The following MLIP variants were observed in gnomAD, a reference collection of about 807,000 sequenced individuals.
MLIP encodes muscular LMNA interacting protein.
MLIP carries 79 observed loss-of-function variants against 84.8 expected under a neutral mutation model. The observed-to-expected ratio is 0.93, with a 90% confidence interval of 0.78 to 1.12. MLIP has a LOEUF of 1.12. Among genes scored for constraint, MLIP ranks in the 50% most tolerant of loss-of-function variants. The pLI, the probability that MLIP is intolerant of heterozygous loss-of-function variation, is 0.00. For synonymous variants in MLIP, 504 were observed against 463.0 expected, an observed-to-expected ratio of 1.09 and a Z score of -1.14; for missense variants, 1,257 against 1,160.6, an observed-to-expected ratio of 1.08 and a Z score of -1.21.
rs569788844 is a variant in MLIP, at chr6:54,068,719, A to T, written c.63+49628A>T. On this transcript the variant is annotated intron_variant, in intron 1 of 12. Coordinates refer to the MLIP transcript ENST00000274897. ...TGTATTTTTAACCTCGTTTCCCATG[A>T]CAACTTATGAGATGGGATTTATATA... is the stretch of plus-strand genomic sequence containing the variant. Among the ~76,000 whole-genome samples the T allele has an allele frequency of 1.2e-4, 12 of 101,220 alleles. 2 individuals are homozygous for T. The South Asian group carries it at 4.2e-3, about 36-fold the overall frequency. The allele number at this position is 101,220 out of a possible 152,430, so 66.4% of individuals were successfully genotyped here.
intron 1 of MLIP, among the ~76,000 whole-genome samples, chr6:54,100,641 A>G (rs1768574720): frequency 6.6e-6 from 1 of 151,874 alleles, no homozygotes; most frequent in Non-Finnish European, 1.5e-5. Context: ...TCCTTTATCT[A>G]CTATTCCTTT....
chr6:54,043,802 T>A (rs1237794898), intron 1 of MLIP, among the ~76,000 whole-genome samples: 1 of 152,166 alleles, frequency 6.6e-6, no homozygotes, highest in Non-Finnish European at 1.5e-5. Context: ...TAAGGGAATG[T>A]CAGGTGACCA....
intron 11 of MLIP, chr6:54,218,014 G>T: frequency 1.0e-6 from 1 of 985,224 alleles, no homozygotes; most frequent in African/African-American, 1.7e-5. Context: ...CTCAAACAGG[G>T]GTCACAAACT....
chr6:54,223,872 C>A (rs948328692), intron 11 of MLIP, among the ~76,000 whole-genome samples: 4 of 151,792 alleles, frequency 2.6e-5, no homozygotes, highest in Admixed American at 2.0e-4. Context: ...CTAATGAAAT[C>A]ATTATTTTTC....
At chr6:54,229,423 G>GT (rs1317438775) in intron 11 of MLIP, among the ~76,000 whole-genome samples, 3 of 152,096 alleles carry the variant, frequency 2.0e-5, no homozygotes, top group African/African-American at 7.2e-5. Flanking sequence ...TATTACATAG[G>GT]TAAACGTGTG....
chr6:54,102,912 A>G (rs1461023536), intron 1 of MLIP, among the ~76,000 whole-genome samples: 1 of 152,176 alleles, frequency 6.6e-6, no homozygotes, highest in Non-Finnish European at 1.5e-5. Context: ...AAGAGAGGGT[A>G]CAACAGGAGG....
Position 54,138,531 on chromosome 6 carries a change from A to G in MLIP, c.2217+245A>G, listed in dbSNP as rs186181698. 3.3e-4 allele frequency among the ~76,000 whole-genome samples: 51 copies of G among 152,274 alleles called. 1 individual carries two copies. In the East Asian group the frequency reaches 8.9e-3, roughly 26 times the overall value. ...ATCCTCTTTCTCTTCCTAACTTCTT[A>G]TATCTATGACTCCAAGGGTATTATT... On this transcript the variant is annotated intron_variant, in intron 4 of 13. Transcript: ENST00000502396.
chr6:54,194,748 G>A (rs1056892289), intron 10 of MLIP, among the ~76,000 whole-genome samples: 1 of 151,078 alleles, frequency 6.6e-6, no homozygotes, highest in Non-Finnish European at 1.5e-5. Context: ...GAGTTAGTAT[G>A]GCAGGAATTG....
chr6:54,144,075 T>C (rs903398145), intron 4 of MLIP, among the ~76,000 whole-genome samples: 1 of 152,176 alleles, frequency 6.6e-6, no homozygotes, highest in African/African-American at 2.4e-5. Flanking sequence ...TTGACAGTTG[T>C]ATCCTCCACC....
chr6:54,094,579 C>G (rs1385955608), intron 1 of MLIP, among the ~76,000 whole-genome samples: 1 of 151,030 alleles, frequency 6.6e-6, no homozygotes, highest in African/African-American at 2.4e-5. Context: ...ATATATTTGT[C>G]TTCTTTCTGA....
intron 11 of MLIP, among the ~76,000 whole-genome samples, chr6:54,208,403 T>C (rs1310723277): frequency 3.3e-5 from 5 of 151,592 alleles, no homozygotes; most frequent in African/African-American, 4.8e-5. Context: ...CTGAGAAACA[T>C]AGGGAGACCA....
At chr6:54,250,860 A>T (rs1196892724) in intron 12 of MLIP, among the ~76,000 whole-genome samples, 1 of 151,996 alleles carries the variant, frequency 6.6e-6, no homozygotes, top group Non-Finnish European at 1.5e-5. Flanking sequence ...TCATCCTTTT[A>T]GTTTAGGTTA....
At chr6:54,213,730 A>AG (rs1173867582) in intron 11 of MLIP, among the ~76,000 whole-genome samples, 1 of 76,800 alleles carries the variant, frequency 1.3e-5, no homozygotes, top group Admixed American at 1.5e-4. Flanking sequence ...AAAAAAAAAA[A>AG]AAAAAACAAC....
chr6:54,150,752 CTCTG>C (rs1451628690), intron 5 of MLIP, among the ~76,000 whole-genome samples: 1 of 152,140 alleles, frequency 6.6e-6, no homozygotes, highest in Non-Finnish European at 1.5e-5. Context: ...TTTCCAGAAT[CTCTG>C]TCTGTTAGGA....
At chr6:54,044,106 T>C (rs1382745782) in intron 1 of MLIP, among the ~76,000 whole-genome samples, 1 of 152,228 alleles carries the variant, frequency 6.6e-6, no homozygotes, top group Non-Finnish European at 1.5e-5. Flanking sequence ...AGAACACTTA[T>C]CATTTTGTTG....
chr6:54,259,456 G>T (rs1359351509), intron 13 of MLIP, among the ~76,000 whole-genome samples: 2 of 151,736 alleles, frequency 1.3e-5, no homozygotes, highest in Non-Finnish European at 2.9e-5. Flanking sequence ...AAAATGAATT[G>T]GTTATTTAAA....
chr6:54,142,893 C>A (rs1028096298), intron 4 of MLIP, among the ~76,000 whole-genome samples: 1 of 151,434 alleles, frequency 6.6e-6, no homozygotes, highest in Non-Finnish European at 1.5e-5. Flanking sequence ...AGAGCCACTA[C>A]GTGAAATGAA....
intron 3 of MLIP, among the ~76,000 whole-genome samples, chr6:54,135,863 C>A (rs114936350): frequency 0.016 from 2,500 of 152,268 alleles, 74 homozygotes; most frequent in African/African-American, 0.057. Context: ...TTCACAGGCT[C>A]TCCCTAGCTT....
At chr6:54,026,225 T>C (rs12201302) in intron 1 of MLIP, among the ~76,000 whole-genome samples, 85,139 of 152,052 alleles carry the variant, frequency 0.56, 25,828 homozygotes, top group Non-Finnish European at 0.69. Context: ...TCTCTCTGCA[T>C]CAGATATTAG....
Sources: gnomAD v4.1 joint callset for allele counts (sites outside exome capture counted in the v4.1 genomes callset) on GRCh38, gnomAD v4.1.1 for gene constraint, MANE v1.5 for transcripts, NCBI Gene and HGNC (gene_info 2026-07-23, HGNC 2026-07-21) for gene names.